FAT3: variants seen among roughly 807,000 people sequenced by gnomAD.
FAT3 encodes FAT atypical cadherin 3.
FAT3 carries 95 observed loss-of-function variants against 310.2 expected under a neutral mutation model. The ratio of observed to expected loss-of-function variants is 0.31; its 90% CI spans 0.26 to 0.36. The LOEUF is 0.36. FAT3 is among the 10% of genes least tolerant of loss of function. The pLI is 1.00. For synonymous variants in FAT3, 2,314 were observed against 2,192.9 expected (o/e 1.06, Z -1.54); for missense variants, 5,408 against 5,715.6 (o/e 0.95, Z 1.74).
At chr11:92,889,002 C>T (rs1048233671) in intron 25 of FAT3, among the ~76,000 whole-genome samples, 187 bp from the exon 26 acceptor site, 3 of 152,076 alleles carry the variant, frequency 2.0e-5, no homozygotes, top group African/African-American at 4.8e-5. Context: ...CCACAAATCC[C>T]GGGACCCTCT....
chr11:92,285,418 T>C (rs1458210), intron 1 of FAT3, among the ~76,000 whole-genome samples: 106,477 of 152,094 alleles, frequency 0.7, 37,496 homozygotes, highest in African/African-American at 0.77. Context: ...AAAGCGAATA[T>C]GCTGTGCAAG....
intron 3 of FAT3, among the ~76,000 whole-genome samples, chr11:92,667,427 A>G (rs1284462582): frequency 6.6e-6 from 1 of 152,110 alleles, no homozygotes; most frequent in Non-Finnish European, 1.5e-5. Context: ...GAAACAAAAA[A>G]CCAAGAGAAC....
At chr11:92,777,402 A>G (rs1946625984) in intron 7 of FAT3, among the ~76,000 whole-genome samples, 1 of 152,164 alleles carries the variant, frequency 6.6e-6, no homozygotes, top group South Asian at 2.1e-4. Context: ...TCAGAGCTAC[A>G]ATATCTAATG....
intron 2 of FAT3, chr11:92,403,084 G>T (rs1402167573): frequency 6.6e-6 from 1 of 152,174 alleles, no homozygotes; most frequent in Admixed American, 6.6e-5. Flanking sequence ...TGCAAACTTG[G>T]TAGTACCATG....
At chr11:92,489,184 A>T (rs1332777434) in intron 2 of FAT3, among the ~76,000 whole-genome samples, 2 of 152,102 alleles carry the variant, frequency 1.3e-5, no homozygotes, top group African/African-American at 4.8e-5. Context: ...CACTTTCTAG[A>T]TGATAAATTC....
In FAT3 at chr11:92,789,975, T is replaced by C. The variant is rs1260816090; in HGVS notation, c.4368T>C (p.Asn1456=). ...VFIKVLDNND[N]GPEFSQPNYD... ...TCAAAGTGCTGGATAATAATGATAA[T>C]GGCCCAGAATTCTCTCAGCCGAATT... is the stretch of plus-strand genomic sequence containing the variant. The change falls in exon 8 of 28, where the codon AAT becomes AAC. Residue 1456 remains asparagine (N), a synonymous_variant. Transcript: ENST00000525166. 2.5e-6 allele frequency: 4 copies of C among 1,613,746 alleles called. No individual in the cohort carries two copies. The highest frequency in any genetic ancestry group is 2.2e-5 in the East Asian group (1 of 44,864).
At chr11:92,228,252 A>T (rs929969516) in intron 1 of FAT3, among the ~76,000 whole-genome samples, 2 of 152,120 alleles carry the variant, frequency 1.3e-5, no homozygotes, top group Admixed American at 1.3e-4. Flanking sequence ...ACTGGCTCTC[A>T]AGCCTTTTAG....
At chr11:92,766,450 GA>G (rs1370569604) in intron 6 of FAT3, among the ~76,000 whole-genome samples, 1 of 152,172 alleles carries the variant, frequency 6.6e-6, no homozygotes, top group Non-Finnish European at 1.5e-5. Context: ...CTGTACTTGG[GA>G]AAAGCATTTA....
At chr11:92,311,094 A>T (rs976553826) in intron 1 of FAT3, among the ~76,000 whole-genome samples, 3 of 151,964 alleles carry the variant, frequency 2.0e-5, no homozygotes, top group Non-Finnish European at 4.4e-5. Flanking sequence ...ATATATGTAT[A>T]TATCTTAAGG....
intron 1 of FAT3, among the ~76,000 whole-genome samples, chr11:92,281,493 T>A (rs1306914221): frequency 6.6e-6 from 1 of 152,172 alleles, no homozygotes; most frequent in Admixed American, 6.6e-5. Flanking sequence ...GCCTCTCTTC[T>A]GCATTTCCGC....
Position 92,805,230 on chromosome 11 carries a change from A to G in FAT3, c.8974A>G (p.Arg2992Gly), listed in dbSNP as rs2136199311. ...WKVYVKRPLD[R>G]EEQDIYFLNI... ...GGTCTATGTGAAGAGGCCTCTAGAC[A>G]GAGAAGAACAGGACATTTACTTTCT... Residue 2992 changes from arginine to glycine, a missense_variant, in exon 11 of 28, where the codon AGA becomes GGA. Coordinates refer to ENST00000525166, the MANE Select transcript of FAT3 (RefSeq NM_001367949.2). 1 of 1,613,938 alleles carries G rather than the reference A, an allele frequency of 6.2e-7. No homozygotes were observed. The highest frequency in any genetic ancestry group is 1.1e-5 in the South Asian group (1 of 91,080).
chr11:92,608,189 T>C (rs1940393434), intron 3 of FAT3, among the ~76,000 whole-genome samples: 1 of 152,196 alleles, frequency 6.6e-6, no homozygotes, highest in African/African-American at 2.4e-5. Flanking sequence ...CTTTTTGTTG[T>C]GAACAAGTAT....
At chr11:92,695,937 G>T (rs1171416706) in intron 3 of FAT3, among the ~76,000 whole-genome samples, 3 of 152,110 alleles carry the variant, frequency 2.0e-5, no homozygotes, top group Non-Finnish European at 4.4e-5. Context: ...GTAACGTACA[G>T]CTTGGGTGAA....
At chr11:92,317,795 C>G (rs568750605) in intron 1 of FAT3, among the ~76,000 whole-genome samples, 1 of 152,176 alleles carries the variant, frequency 6.6e-6, no homozygotes, top group South Asian at 2.1e-4. Context: ...TTATTCTGAA[C>G]CTGCTGGTCT....
intron 2 of FAT3, among the ~76,000 whole-genome samples, chr11:92,387,411 C>T (rs1464923740): frequency 1.3e-5 from 2 of 151,854 alleles, no homozygotes; most frequent in Admixed American, 6.6e-5. Flanking sequence ...GTGTGTGTTG[C>T]AGGGTGAAGG....
At chr11:92,512,137 A>G (rs1027184213) in intron 2 of FAT3, among the ~76,000 whole-genome samples, 2 of 152,224 alleles carry the variant, frequency 1.3e-5, no homozygotes, top group African/African-American at 4.8e-5. Flanking sequence ...CCAATTTAAA[A>G]AAAGTGCATT....
At chr11:92,381,667 C>T (rs985253855) in intron 2 of FAT3, among the ~76,000 whole-genome samples, 7 of 152,034 alleles carry the variant, frequency 4.6e-5, no homozygotes, top group South Asian at 2.1e-4. Flanking sequence ...TTTGTTTAAG[C>T]AGGTATATAG....
At chr11:92,664,785 A>C (rs1045324902) in intron 3 of FAT3, among the ~76,000 whole-genome samples, 3 of 152,206 alleles carry the variant, frequency 2.0e-5, no homozygotes, top group Non-Finnish European at 4.4e-5. Context: ...CAATATAGTC[A>C]AATTTTACAT....
intron 2 of FAT3, among the ~76,000 whole-genome samples, chr11:92,441,824 G>C (rs1046833011): frequency 3.3e-5 from 5 of 152,030 alleles, no homozygotes; most frequent in Admixed American, 6.6e-5. Flanking sequence ...CTACAGGGAA[G>C]CTCCTAGGGA....
Sources: allele counts gnomAD v4.1 joint callset (sites outside exome capture counted in the v4.1 genomes callset), GRCh38; gene constraint gnomAD v4.1.1; transcripts MANE v1.5; gene names NCBI Gene and HGNC (gene_info 2026-07-23, HGNC 2026-07-21).